UBE3D: variants seen among roughly 807,000 people sequenced by gnomAD.
The protein encoded by UBE3D is ubiquitin protein ligase E3D.
UBE3D carries 48 observed loss-of-function variants against 49.6 expected under a neutral mutation model. That is an observed-to-expected ratio of 0.97 (90% CI 0.77 to 1.23). The LOEUF (loss-of-function observed/expected upper bound fraction) is 1.23. Ranked by LOEUF, UBE3D falls within the 50% of genes most tolerant of loss-of-function variation. UBE3D has a pLI of 0.00. For missense variants in UBE3D, 452 were observed against 468.4 expected, an observed-to-expected ratio of 0.96 and a Z score of 0.32; for synonymous variants, 189 against 174.2, an observed-to-expected ratio of 1.08 and a Z score of -0.67.
chr6:83,000,816 C>T (rs1314564913), intron 8 of UBE3D, among the ~76,000 whole-genome samples: 2 of 152,046 alleles, frequency 1.3e-5, no homozygotes, highest in African/African-American at 2.4e-5. Flanking sequence ...ACTCCTTCTC[C>T]TCCTTCAGGC....
At chr6:82,945,773 A>G (rs1440981143) in intron 9 of UBE3D, among the ~76,000 whole-genome samples, 1 of 152,230 alleles carries the variant, frequency 6.6e-6, no homozygotes, top group Non-Finnish European at 1.5e-5. Context: ...AAGATAACAC[A>G]GAGAAGGAAT....
chr6:83,009,634 A>G (rs9350976), intron 8 of UBE3D, among the ~76,000 whole-genome samples: 105,265 of 135,632 alleles, frequency 0.78, 41,085 homozygotes, highest in East Asian at 0.91. Context: ...TATTATATCT[A>G]TAAAAAGAGA....
At chr6:83,026,481 T>A (rs1292150182) in intron 5 of UBE3D, among the ~76,000 whole-genome samples, 2 of 152,048 alleles carry the variant, frequency 1.3e-5, no homozygotes, top group Non-Finnish European at 2.9e-5. Flanking sequence ...CAACTTTTAA[T>A]AAGACAAAGT....
the UBE3D span, among the ~76,000 whole-genome samples, chr6:82,882,016 C>T: frequency 6.6e-6 from 1 of 152,176 alleles, no homozygotes; most frequent in African/African-American, 2.4e-5. Flanking sequence ...GTCATTTGTC[C>T]CTGCTGCTGC....
chr6:82,933,849 A>G (rs1774348341), intron 9 of UBE3D, among the ~76,000 whole-genome samples: 1 of 152,240 alleles, frequency 6.6e-6, no homozygotes, highest in Admixed American at 6.5e-5. Flanking sequence ...AAGCACTTCC[A>G]TGGACCAGAA....
At chr6:82,910,836 T>G (rs139009357) in intron 9 of UBE3D, among the ~76,000 whole-genome samples, 8 of 152,306 alleles carry the variant, frequency 5.3e-5, no homozygotes, top group African/African-American at 1.7e-4. Flanking sequence ...ATGTGAAGAT[T>G]GTTCTGAGTG....
chr6:82,927,160 A>AT (rs1242357988), intron 9 of UBE3D, among the ~76,000 whole-genome samples: 2 of 147,830 alleles, frequency 1.4e-5, no homozygotes, highest in Non-Finnish European at 3.0e-5. Context: ...AGTTGACCAT[A>AT]TTTTTGCGGG....
At chr6:83,012,507 T>C (rs1293993107) in intron 8 of UBE3D, among the ~76,000 whole-genome samples, 1 of 152,200 alleles carries the variant, frequency 6.6e-6, no homozygotes, top group Non-Finnish European at 1.5e-5. Context: ...CATGGACCTA[T>C]TGGGCAATGA....
chr6:82,934,584 AAGG>A (rs1379977879), intron 9 of UBE3D, among the ~76,000 whole-genome samples: 1 of 152,128 alleles, frequency 6.6e-6, no homozygotes, highest in Non-Finnish European at 1.5e-5. Context: ...GGGAAGGAGT[AAGG>A]AGGAGAAAAC....
At position 82,892,664 on chromosome 6, in the gene UBE3D, C is replaced by T. The variant is rs1192919964; in HGVS notation, c.*358G>A. 2 of 218,036 alleles carry T rather than the reference C, an allele frequency of 9.2e-6. No individual in the cohort carries two copies. Among genetic ancestry groups the T allele is most frequent in the South Asian group, 7.5e-5 (1 of 13,368 alleles). 13.5% of individuals were successfully genotyped at this position (218,036 alleles called of 1,614,324 possible). On this transcript the variant is annotated 3_prime_UTR_variant, in exon 10 of 10. Transcript: ENST00000369747. ...ACATTCAGTTCCACCAATAAAATTC[C>T]TCACTGGATTCCACACAGGACAGAT...
chr6:82,986,238 C>T (rs3118922), intron 8 of UBE3D, among the ~76,000 whole-genome samples: 106,026 of 151,702 alleles, frequency 0.7, 37,495 homozygotes, highest in East Asian at 0.82. Context: ...TTTTGGAGGC[C>T]GTGGCGGGCA....
intron 9 of UBE3D, among the ~76,000 whole-genome samples, chr6:82,952,875 A>G (rs1775904070): frequency 6.6e-6 from 1 of 152,190 alleles, no homozygotes; most frequent in African/African-American, 2.4e-5. Context: ...TAAAAATAAG[A>G]TTATTAGACT....
At chr6:82,959,232 T>C (rs1016746632) in intron 8 of UBE3D, among the ~76,000 whole-genome samples, 6 of 151,478 alleles carry the variant, frequency 4.0e-5, no homozygotes, top group South Asian at 2.1e-4. Context: ...TTTTAAAAAG[T>C]TCCCCCACCC....
chr6:83,043,451 T>C (rs1003581307), intron 4 of UBE3D, among the ~76,000 whole-genome samples: 1 of 152,160 alleles, frequency 6.6e-6, no homozygotes, highest in African/African-American at 2.4e-5. Flanking sequence ...TGAACCATAT[T>C]TAGATAAAGG....
chr6:82,998,793 A>G (rs545373513), intron 8 of UBE3D, among the ~76,000 whole-genome samples: 3 of 152,336 alleles, frequency 2.0e-5, no homozygotes, highest in South Asian at 4.1e-4. Flanking sequence ...CCATCACTAT[A>G]ATAATACTTA....
At chr6:83,002,752 T>C (rs1373306907) in intron 8 of UBE3D, among the ~76,000 whole-genome samples, 2 of 152,214 alleles carry the variant, frequency 1.3e-5, no homozygotes, top group African/African-American at 4.8e-5. Context: ...TTCTATCCTG[T>C]AAGGATATAG....
At chr6:83,005,535 C>G (rs1321536474) in intron 8 of UBE3D, among the ~76,000 whole-genome samples, 1 of 151,688 alleles carries the variant, frequency 6.6e-6, no homozygotes, top group African/African-American at 2.4e-5. Context: ...ATAATCTCAG[C>G]ATTTTGGAAG....
intron 8 of UBE3D, among the ~76,000 whole-genome samples, chr6:83,012,862 A>T (rs890086986): frequency 2.6e-5 from 4 of 152,188 alleles, no homozygotes; most frequent in African/African-American, 9.7e-5. Context: ...TCATTCAAGG[A>T]TGTCCTAGAA....
chr6:83,031,911 C>T (rs1307666765), intron 5 of UBE3D, among the ~76,000 whole-genome samples: 1 of 152,224 alleles, frequency 6.6e-6, no homozygotes, highest in Non-Finnish European at 1.5e-5. Flanking sequence ...GGTGACAAGC[C>T]TGTGGGTGCA....
Sources: gnomAD v4.1 joint callset for allele counts (sites outside exome capture counted in the v4.1 genomes callset) on GRCh38, gnomAD v4.1.1 for gene constraint, MANE v1.5 for transcripts, NCBI Gene and HGNC (gene_info 2026-07-23, HGNC 2026-07-21) for gene names.